Variants in STOX2 observed in about 807,000 individuals in gnomAD.
STOX2 encodes storkhead box 2.
STOX2 carries 28 observed loss-of-function variants against 60.9 expected under a neutral mutation model. That is an observed-to-expected ratio of 0.46 (90% confidence interval 0.34 to 0.63). The LOEUF (loss-of-function observed/expected upper bound fraction) is 0.63. STOX2 is among the 30% of genes least tolerant of loss of function. The pLI, the probability that STOX2 is intolerant of heterozygous loss-of-function variation, is 0.01. For missense variants in STOX2, 1,024 were observed against 1,187.7 expected, an observed-to-expected ratio of 0.86 and a Z score of 2.03; for synonymous variants, 472 against 463.9, an observed-to-expected ratio of 1.02 and a Z score of -0.22.
chr4:183,970,579 A>T (rs1030187773), intron 1 of STOX2, among the ~76,000 whole-genome samples: 5 of 152,176 alleles, frequency 3.3e-5, no homozygotes, highest in Non-Finnish European at 5.9e-5. Flanking sequence ...GAGGAAGGGC[A>T]GCCACCACAT....
At chr4:183,827,587 T>C (rs759617812) in intron 1 of STOX2, among the ~76,000 whole-genome samples, 2 of 152,178 alleles carry the variant, frequency 1.3e-5, no homozygotes, top group Non-Finnish European at 2.9e-5. Flanking sequence ...ACATGGCCCA[T>C]GTTGTTTCAT....
rs549683955 is a variant in STOX2, at chr4:183,972,930, T to A, written c.167-28395T>A. On this transcript the variant is annotated intron_variant, in intron 1 of 3. Transcript: ENST00000308497. ...CAGAAGTGAGTGGTAATTTTAGAAC[T>A]GAAATATATAATAATCAAAAATAAA... is the stretch of plus-strand genomic sequence containing the variant. Among the ~76,000 whole-genome samples, 6 of 152,152 alleles carry A rather than the reference T, an allele frequency of 3.9e-5. No homozygotes were observed. The East Asian group carries it at 1.2e-3, about 29-fold the overall frequency.
At chr4:183,932,378 A>AT (rs1317773769) in intron 1 of STOX2, among the ~76,000 whole-genome samples, 4 of 14,580 alleles carry the variant, frequency 2.7e-4, no homozygotes, top group African/African-American at 5.6e-4. Flanking sequence ...GTATACATAC[A>AT]GTATATGTAT....
intron 1 of STOX2, among the ~76,000 whole-genome samples, chr4:183,878,440 CT>C (rs1467154817): frequency 6.6e-6 from 1 of 152,194 alleles, no homozygotes; most frequent in Non-Finnish European, 1.5e-5. Context: ...ATATTTGTCA[CT>C]TCATAAGGAC....
intron 1 of STOX2, among the ~76,000 whole-genome samples, chr4:183,883,654 A>C (rs992162107): frequency 3.3e-5 from 5 of 151,942 alleles, no homozygotes; most frequent in African/African-American, 1.2e-4. Context: ...TTATTTTCAA[A>C]TGTGTTTTCC....
At chr4:183,919,607 G>A (rs1446674744) in intron 1 of STOX2, among the ~76,000 whole-genome samples, 1 of 152,060 alleles carries the variant, frequency 6.6e-6, no homozygotes, top group Non-Finnish European at 1.5e-5. Context: ...AACCATTGTT[G>A]TTATTGGGAT....
intron 1 of STOX2, among the ~76,000 whole-genome samples, chr4:183,995,267 T>G (rs1046207038): frequency 6.9e-6 from 1 of 144,236 alleles, no homozygotes; most frequent in Non-Finnish European, 1.5e-5. Context: ...ATGCCACTTA[T>G]AAAGGACAGG....
chr4:183,861,128 G>T (rs538462840), intron 1 of STOX2, among the ~76,000 whole-genome samples: 1 of 152,230 alleles, frequency 6.6e-6, no homozygotes, highest in African/African-American at 2.4e-5. Context: ...TCTCCAGATC[G>T]CTCCTAACTA....
intron 1 of STOX2, among the ~76,000 whole-genome samples, chr4:183,897,374 C>T (rs1267201009): frequency 6.6e-6 from 1 of 152,192 alleles, no homozygotes; most frequent in African/African-American, 2.4e-5. Context: ...TATTTTGGTG[C>T]TAGCTTTGCT....
chr4:183,887,291 CT>C (rs1344570491), intron 1 of STOX2, among the ~76,000 whole-genome samples: 1 of 151,992 alleles, frequency 6.6e-6, no homozygotes, highest in Admixed American at 6.6e-5. Context: ...TTATGTACTT[CT>C]TCCCTGTACA....
rs772273575 is a variant in STOX2, at chr4:183,906,894, G to T, written c.104G>T (p.Arg35Leu). The change falls in exon 1 of 4, where the codon CGC becomes CTC. Residue 35 changes from arginine to leucine, a missense_variant. By Grantham distance (102) the Arg-to-Leu change is moderately radical. This residue lies in a region of STOX2 where 98 missense variants were observed against 110.2 expected (regional missense o/e 0.89). Coordinates refer to ENST00000308497, the MANE Select transcript of STOX2 (RefSeq NM_020225.3). ...AGGTCCCGCAGCGAGAAGGACTACC[G>T]CCTGCACAAGCGTTTCCCCGCGGCC... ...RMRSRSEKDY[R>L]LHKRFPAAFA... is the part of the protein sequence containing the mutation. 3.2e-6 allele frequency: 5 copies of T among 1,550,736 alleles called. No homozygotes were observed. The South Asian group carries it at 5.9e-5, about 18-fold the overall frequency.
At chr4:183,819,257 T>G (rs1239069403) in intron 1 of STOX2, among the ~76,000 whole-genome samples, 3 of 151,892 alleles carry the variant, frequency 2.0e-5, no homozygotes, top group Non-Finnish European at 4.4e-5. Context: ...TGGGCAACAT[T>G]GAGCACTGAG....
chr4:183,880,812 A>C (rs1740942103), intron 1 of STOX2, among the ~76,000 whole-genome samples: 1 of 152,244 alleles, frequency 6.6e-6, no homozygotes, highest in Non-Finnish European at 1.5e-5. Flanking sequence ...GGACAGATAA[A>C]GAACATTGTG....
At chr4:183,814,688 T>C (rs28413970) in intron 1 of STOX2, among the ~76,000 whole-genome samples, 14,056 of 152,258 alleles carry the variant, frequency 0.092, 2,085 homozygotes, top group African/African-American at 0.31. Context: ...AACCAGAGCC[T>C]GGCACGGTTT....
At chr4:183,808,223 G>A (rs951964628) in intron 1 of STOX2, among the ~76,000 whole-genome samples, 3 of 152,154 alleles carry the variant, frequency 2.0e-5, no homozygotes, top group South Asian at 2.1e-4. Context: ...CTATCTCATC[G>A]GTTAGGGTTA....
chr4:183,879,756 A>G (rs1402695093), intron 1 of STOX2, among the ~76,000 whole-genome samples: 1 of 151,876 alleles, frequency 6.6e-6, no homozygotes, highest in African/African-American at 2.4e-5. Flanking sequence ...TGTTGGGTCT[A>G]TGGCCAGCTT....
At chr4:183,988,107 G>A (rs570136631) in intron 1 of STOX2, among the ~76,000 whole-genome samples, 4 of 152,152 alleles carry the variant, frequency 2.6e-5, no homozygotes, top group African/African-American at 7.2e-5. Context: ...CGCGCCTGGG[G>A]TACATTCTGA....
rs1372229593 is a variant in STOX2, at chr4:183,821,347, C to G, written c.364+23292C>G. 6.6e-6 allele frequency among the ~76,000 whole-genome samples: 1 copy of G among 152,132 alleles called. No homozygotes were observed. Among genetic ancestry groups the G allele is most frequent in the African/African-American group, 2.4e-5 (1 of 41,414 alleles). On this transcript the variant is annotated intron_variant, in intron 1 of 2. Transcript: ENST00000513034. The surrounding 1 kb of genome is among the most constrained non-coding windows in gnomAD (Gnocchi z 4.2). ...TCCTCCCTGTCTTAATAGGTGGAAG[C>G]CTGTGCTAGCAGGTAGAGGATCTTT...
chr4:183,998,362 C>T (rs2111219809), intron 1 of STOX2, among the ~76,000 whole-genome samples: 1 of 152,256 alleles, frequency 6.6e-6, no homozygotes, highest in Non-Finnish European at 1.5e-5. Flanking sequence ...GGCCTCAGTG[C>T]CCCTGTCCTA....
Sources: allele counts gnomAD v4.1 joint callset (sites outside exome capture counted in the v4.1 genomes callset), GRCh38; gene constraint gnomAD v4.1.1; regional missense constraint gnomAD v4.1.1; non-coding constraint Gnocchi (gnomAD v3.1); transcripts MANE v1.5; gene names NCBI Gene and HGNC (gene_info 2026-07-23, HGNC 2026-07-21).